Variants in AKAP12 observed in about 807,000 individuals in gnomAD.
AKAP12 encodes the protein A-kinase anchoring protein 12.
In AKAP12, 32 loss-of-function variants were observed where a neutral mutation model predicts 79.9. The observed-to-expected ratio is 0.40, with a 90% CI of 0.30 to 0.54. The LOEUF is 0.54. Ranked by LOEUF, AKAP12 falls within the 20% of genes least tolerant of loss-of-function variation. AKAP12 has a pLI of 0.48. For synonymous variants in AKAP12, 808 were observed against 857.0 expected (o/e 0.94, Z 1.00); for missense variants, 2,074 against 2,177.0 (o/e 0.95, Z 0.94).
intron 2 of AKAP12, among the ~76,000 whole-genome samples, chr6:151,272,268 C>T (rs970994653): frequency 6.9e-6 from 1 of 145,544 alleles, no homozygotes; most frequent in Non-Finnish European, 1.5e-5. Context: ...TCCCTTGAGC[C>T]AAGGAGTTTG....
At chr6:151,323,623 C>A in intron 3 of AKAP12, 2 of 821,926 alleles carry the variant, frequency 2.4e-6, no homozygotes, top group Non-Finnish European at 2.9e-6. Context: ...TGTTTCAGTG[C>A]CAAAACTGAA....
intron 2 of AKAP12, among the ~76,000 whole-genome samples, chr6:151,250,731 G>A (rs1475619459): frequency 2.0e-5 from 3 of 150,558 alleles, no homozygotes; most frequent in Non-Finnish European, 3.0e-5. Flanking sequence ...TCAGCCTCCC[G>A]AGTAGCTGGG....
intron 3 of AKAP12, among the ~76,000 whole-genome samples, chr6:151,334,752 G>C (rs534331056): frequency 1.3e-5 from 2 of 151,720 alleles, no homozygotes; most frequent in Admixed American, 1.3e-4. Flanking sequence ...CTCCCGAGTA[G>C]CTGGGACTAC....
intron 3 of AKAP12, among the ~76,000 whole-genome samples, chr6:151,337,671 T>C (rs1310767244): frequency 1.3e-5 from 2 of 152,224 alleles, no homozygotes; most frequent in East Asian, 3.8e-4. Flanking sequence ...ATATTTACTT[T>C]CTTTTTGTTG....
intron 2 of AKAP12, among the ~76,000 whole-genome samples, chr6:151,269,046 G>A (rs1280550935): frequency 6.9e-6 from 1 of 144,674 alleles, no homozygotes; most frequent in Non-Finnish European, 1.5e-5. Context: ...TAAACCAGGT[G>A]TGAGAAACAT....
At chr6:151,270,879 A>G (rs1776166842) in intron 2 of AKAP12, among the ~76,000 whole-genome samples, 1 of 152,214 alleles carries the variant, frequency 6.6e-6, no homozygotes, top group South Asian at 2.1e-4. Flanking sequence ...GAATGTGTAT[A>G]TGACAGACAT....
chr6:151,328,542 C>A (rs1052240315), intron 3 of AKAP12, among the ~76,000 whole-genome samples: 3 of 150,226 alleles, frequency 2.0e-5, no homozygotes, highest in African/African-American at 4.9e-5. Context: ...GAGGCTGAGG[C>A]AGGAGAATTG....
At chr6:151,281,729 C>T (rs1289283678) in intron 2 of AKAP12, among the ~76,000 whole-genome samples, 1 of 152,132 alleles carries the variant, frequency 6.6e-6, no homozygotes, top group African/African-American at 2.4e-5. Flanking sequence ...AGGTCTTGCT[C>T]TGTCACCCAG....
intron 3 of AKAP12, among the ~76,000 whole-genome samples, chr6:151,312,425 C>T (rs1777125867): frequency 6.6e-6 from 1 of 151,932 alleles, no homozygotes; most frequent in South Asian, 2.1e-4. Flanking sequence ...CTGCAGTGAG[C>T]CATGATTGCA....
intron 2 of AKAP12, among the ~76,000 whole-genome samples, chr6:151,304,446 G>T (rs1374898748): frequency 8.8e-6 from 1 of 113,596 alleles, no homozygotes; most frequent in South Asian, 3.3e-4. Context: ...CCGAGATCAC[G>T]CCACTGCACT....
At chr6:151,291,496 T>C (rs986784010) in intron 2 of AKAP12, among the ~76,000 whole-genome samples, 2 of 152,176 alleles carry the variant, frequency 1.3e-5, no homozygotes, top group African/African-American at 2.4e-5. Context: ...TCAGTTGCCC[T>C]AGGCGAAGTC....
At position 151,240,532 on chromosome 6, in the gene AKAP12, C is replaced by A. The variant is rs1019878545; in HGVS notation, c.-31C>A. 7.1e-7 allele frequency: 1 copy of A among 1,412,308 alleles called. No homozygotes were observed. Among genetic ancestry groups the A allele is most frequent in the Admixed American group, 3.1e-5 (1 of 32,568 alleles). 87.5% of individuals were successfully genotyped at this position (1,412,308 alleles called of 1,614,324 possible). On this transcript the variant is annotated 5_prime_UTR_variant, in exon 2 of 5. Transcript: ENST00000402676. The stretch of plus-strand genomic sequence containing the variant: ...GCGGCTTGGGGAAGGCGTAACCCGG[C>A]GGCTAGGCGCGGGAGAAGTGCGGAG...
chr6:151,255,323 G>A (rs1052378867), intron 2 of AKAP12, among the ~76,000 whole-genome samples: 4 of 151,932 alleles, frequency 2.6e-5, no homozygotes, highest in Non-Finnish European at 4.4e-5. Context: ...GCACCACCAC[G>A]CCGGCTGATT....
At chr6:151,348,680 T>TCCCCTC in intron 3 of AKAP12, 31 bp from the exon 4 acceptor site, 2 of 355,202 alleles carry the variant, frequency 5.6e-6, no homozygotes, top group Non-Finnish European at 5.5e-6. Flanking sequence ...TTTTCTCTTC[T>TCCCCTC]CCCCACCCCC....
At chr6:151,288,692 C>T (rs1776556012) in intron 2 of AKAP12, among the ~76,000 whole-genome samples, 1 of 152,146 alleles carries the variant, frequency 6.6e-6, no homozygotes, top group South Asian at 2.1e-4. Context: ...TCTTCCCACT[C>T]CCACCCTACC....
Position 151,351,997 on chromosome 6 carries a change from T to C in AKAP12, c.3606T>C (p.Ser1202=), listed in dbSNP as rs1382028036. Residue 1202 remains serine (S), a synonymous_variant, in exon 4 of 5, where the codon TCT becomes TCC. Coordinates refer to ENST00000402676, the MANE Select transcript of AKAP12 (RefSeq NM_005100.4). The surrounding 1 kb of genome is among the most constrained non-coding windows in gnomAD (Gnocchi z 4.4). Reference sequence around the variant, plus strand: ...TCCATGAGGAGAATGAGGTCGCATCTGGTACCCAGTCAGGGGGCACAGAAG... The same window carrying C: ...TCCATGAGGAGAATGAGGTCGCATCCGGTACCCAGTCAGGGGGCACAGAAG... ...VEIHEENEVA[S]GTQSGGTEAE... is the part of the protein sequence containing the mutation. 1.2e-6 allele frequency: 2 copies of C among 1,614,100 alleles called. No individual in the cohort carries two copies. Among genetic ancestry groups the C allele is most frequent in the Non-Finnish European group, 1.7e-6 (2 of 1,180,032 alleles).
At chr6:151,332,186 GCCA>G (rs1777693528) in intron 3 of AKAP12, among the ~76,000 whole-genome samples, 1 of 151,714 alleles carries the variant, frequency 6.6e-6, no homozygotes, top group South Asian at 2.1e-4. Flanking sequence ...ACAGGCGCCC[GCCA>G]CCACATCTGG....
chr6:151,261,729 A>T (rs949190432), intron 2 of AKAP12, among the ~76,000 whole-genome samples: 3 of 141,598 alleles, frequency 2.1e-5, no homozygotes, highest in Non-Finnish European at 4.6e-5. Context: ...AGTGGTTTTT[A>T]TTATTTTATT....
chr6:151,294,045 C>T (rs936267686), intron 2 of AKAP12, among the ~76,000 whole-genome samples: 10 of 151,820 alleles, frequency 6.6e-5, no homozygotes, highest in Non-Finnish European at 7.4e-5. Context: ...GCAATCTCGA[C>T]TCACCGCAAC....
Sources: gnomAD v4.1 joint callset for allele counts (sites outside exome capture counted in the v4.1 genomes callset) on GRCh38, gnomAD v4.1.1 for gene constraint, Gnocchi (gnomAD v3.1) non-coding constraint, MANE v1.5 for transcripts, NCBI Gene and HGNC (gene_info 2026-07-23, HGNC 2026-07-21) for gene names.